The following CHCHD6 variants were observed in gnomAD, a reference collection of about 807,000 sequenced individuals.
The protein encoded by CHCHD6 is coiled-coil-helix-coiled-coil-helix domain containing 6, also known as MICOS complex subunit MIC25.
Under a neutral mutation model 32.3 loss-of-function variants are expected in CHCHD6, and 28 were observed. The ratio of observed to expected loss-of-function variants is 0.87; its 90% CI spans 0.64 to 1.19. CHCHD6 has a LOEUF of 1.19. Among genes scored for constraint, CHCHD6 ranks in the 50% most tolerant of loss-of-function variants. CHCHD6 has a pLI of 0.00. For missense variants in CHCHD6, 333 were observed against 307.0 expected (o/e 1.08, Z -0.63); for synonymous variants, 122 against 117.5 (o/e 1.04, Z -0.25).
chr3:126,823,702 T>C (rs749339043), intron 4 of CHCHD6, among the ~76,000 whole-genome samples: 5 of 152,198 alleles, frequency 3.3e-5, no homozygotes, highest in Admixed American at 6.5e-5. Flanking sequence ...AAGAATTCCA[T>C]TTCTTACCTT....
chr3:126,904,141 C>T (rs1246833256), intron 5 of CHCHD6, among the ~76,000 whole-genome samples: 1 of 152,196 alleles, frequency 6.6e-6, no homozygotes, highest in East Asian at 1.9e-4. Flanking sequence ...TACCAAAACA[C>T]AAACCCTTCC....
At chr3:126,894,402 G>T (rs906535422) in intron 5 of CHCHD6, among the ~76,000 whole-genome samples, 2 of 152,214 alleles carry the variant, frequency 1.3e-5, no homozygotes, top group African/African-American at 2.4e-5. Flanking sequence ...AAGAACTCAG[G>T]CCTTTCCAAG....
At chr3:126,783,559 A>G (rs1938053058) in intron 4 of CHCHD6, among the ~76,000 whole-genome samples, 1 of 152,280 alleles carries the variant, frequency 6.6e-6, no homozygotes, top group African/African-American at 2.4e-5. Context: ...TAAAAACTTC[A>G]CCAAAAAACT....
chr3:126,852,192 C>T (rs1176066998), intron 4 of CHCHD6, among the ~76,000 whole-genome samples: 3 of 152,200 alleles, frequency 2.0e-5, no homozygotes, highest in East Asian at 3.9e-4. Context: ...GTGTGGCTCA[C>T]GGCAGCACAC....
At position 126,805,205 on chromosome 3, in the gene CHCHD6, A is replaced by G. The variant is rs1393005240; in HGVS notation, c.412-47442A>G. 4.6e-5 allele frequency among the ~76,000 whole-genome samples: 7 copies of G among 152,212 alleles called. No individual in the cohort carries two copies. The East Asian group carries it at 5.8e-4, about 13-fold the overall frequency. On this transcript the variant is annotated intron_variant, in intron 4 of 7. Transcript: ENST00000290913. ...AGTGTTGGAAGTTCTGGCCAGGGCA[A>G]TTAGGCAAGAGAAGGAAATAAAGGG... is the stretch of plus-strand genomic sequence containing the variant.
intron 5 of CHCHD6, among the ~76,000 whole-genome samples, chr3:126,881,440 G>GC (rs747771795): frequency 7.2e-5 from 11 of 152,330 alleles, no homozygotes; most frequent in Non-Finnish European, 1.3e-4. Flanking sequence ...CTCGCCCCAA[G>GC]CCCCCCATTG....
intron 5 of CHCHD6, among the ~76,000 whole-genome samples, chr3:126,894,555 C>G (rs1029866579): frequency 1.3e-5 from 2 of 152,204 alleles, no homozygotes; most frequent in Admixed American, 6.5e-5. Context: ...AGTTGCTTCT[C>G]AGGGGCAGGG....
intron 4 of CHCHD6, among the ~76,000 whole-genome samples, chr3:126,765,556 G>A (rs1444774098): frequency 2.6e-5 from 4 of 152,220 alleles, no homozygotes; most frequent in African/African-American, 4.8e-5. Context: ...CCTGTGCGAC[G>A]CAGGATCCAG....
chr3:126,850,823 G>A (rs899693546), intron 4 of CHCHD6, among the ~76,000 whole-genome samples: 1 of 152,166 alleles, frequency 6.6e-6, no homozygotes, highest in Non-Finnish European at 1.5e-5. Flanking sequence ...GAGGCCCAGC[G>A]CAGATTAGCC....
intron 5 of CHCHD6, among the ~76,000 whole-genome samples, chr3:126,869,084 A>G (rs943151993): frequency 3.9e-5 from 6 of 152,252 alleles, no homozygotes; most frequent in Non-Finnish European, 8.8e-5. Context: ...CATGCAAAGT[A>G]TGGCTCCTAA....
At chr3:126,900,602 C>CTTTT (rs35627042) in intron 5 of CHCHD6, among the ~76,000 whole-genome samples, 8 of 116,806 alleles carry the variant, frequency 6.8e-5, no homozygotes, top group African/African-American at 1.3e-4. Context: ...GTGTGACACA[C>CTTTT]TTTTTTTTTT....
At chr3:126,863,118 C>T (rs373555903) in intron 5 of CHCHD6, among the ~76,000 whole-genome samples, 3 of 75,830 alleles carry the variant, frequency 4.0e-5, no homozygotes, top group Non-Finnish European at 5.3e-5. Flanking sequence ...CCTCCTCCTC[C>T]ACCATCATCA....
chr3:126,854,943 T>A (rs1941608368), intron 5 of CHCHD6: 1 of 152,196 alleles, frequency 6.6e-6, no homozygotes, highest in Non-Finnish European at 1.5e-5. Flanking sequence ...CTGTTGAGAC[T>A]GGCAGGTAAG....
chr3:126,709,110 T>G (rs1463963795), intron 1 of CHCHD6, among the ~76,000 whole-genome samples: 1 of 152,256 alleles, frequency 6.6e-6, no homozygotes, highest in Non-Finnish European at 1.5e-5. Context: ...GTTGTTATAC[T>G]GTATTTTTAA....
chr3:126,744,499 A>G (rs764170336), intron 4 of CHCHD6, among the ~76,000 whole-genome samples: 17 of 152,192 alleles, frequency 1.1e-4, no homozygotes, highest in Non-Finnish European at 2.4e-4. Context: ...TGTGTTGGCT[A>G]TGAGCTGAGT....
chr3:126,909,068 G>A (rs918906283), intron 5 of CHCHD6, among the ~76,000 whole-genome samples: 38 of 152,316 alleles, frequency 2.5e-4, no homozygotes, highest in African/African-American at 7.7e-4. Flanking sequence ...CTCAAGTGCC[G>A]TGACCCTCTT....
At chr3:126,950,501 G>A (rs2078700921) in intron 6 of CHCHD6, among the ~76,000 whole-genome samples, 1 of 152,144 alleles carries the variant, frequency 6.6e-6, no homozygotes, top group Admixed American at 6.5e-5. Flanking sequence ...TCTCAGGCTG[G>A]AGTGCAGTGG....
chr3:126,958,482 G>A (rs1250770648), intron 7 of CHCHD6, among the ~76,000 whole-genome samples: 2 of 152,206 alleles, frequency 1.3e-5, no homozygotes, highest in Non-Finnish European at 2.9e-5. Context: ...GATGCTCTGT[G>A]CTCTCCAGCC....
chr3:126,875,889 G>C (rs1415471299), intron 5 of CHCHD6, among the ~76,000 whole-genome samples: 2 of 152,168 alleles, frequency 1.3e-5, no homozygotes, highest in Non-Finnish European at 1.5e-5. Context: ...TGTGCTTTCT[G>C]CTCTTCTCCC....
Sources: allele counts gnomAD v4.1 joint callset (sites outside exome capture counted in the v4.1 genomes callset), GRCh38; gene constraint gnomAD v4.1.1; transcripts MANE v1.5; gene names NCBI Gene and HGNC (gene_info 2026-07-23, HGNC 2026-07-21).